Variants in RPL15 observed in about 807,000 individuals in gnomAD.
The protein encoded by RPL15 is large ribosomal subunit protein eL15.
For missense variants in RPL15, 161 were observed against 271.8 expected (o/e 0.59, Z 2.87); for synonymous variants, 97 against 95.1 (o/e 1.02, Z -0.12).
At chr3:23,923,383 C>T (rs1397940885), downstream of RPL15, 1 of 152,080 alleles carries the variant, frequency 6.6e-6, no homozygotes, top group East Asian at 1.9e-4. Context: ...CTACATCCAG[C>T]TATTTTTGTA....
chr3:23,919,575 G>T lies in RPL15; in HGVS notation c.*74G>T, dbSNP rs1704956754. 1 of 1,436,274 alleles carries T rather than the reference G, an allele frequency of 7.0e-7. No homozygotes were observed. The highest frequency in any genetic ancestry group is 1.4e-5 in the African/African-American group (1 of 69,774). The allele number at this position is 1,436,274 out of a possible 1,614,324, so 89.0% of individuals were successfully genotyped here. A position where few individuals can be genotyped will look rare whatever the true frequency, so the allele number is the denominator to read the frequency against. ...TCATGTCTGCTTACAGGTGTTATTTGTCTGTTAAAACTAGTCTGCAGATGT... is the reference window on the plus strand; with the variant it reads ...TCATGTCTGCTTACAGGTGTTATTTTTCTGTTAAAACTAGTCTGCAGATGT... On this transcript the variant is annotated 3_prime_UTR_variant, in exon 4 of 4. Transcript: ENST00000307839.
chr3:23,919,642 A>T lies in RPL15; in HGVS notation c.*141A>T, dbSNP rs1284701168. The T allele has an allele frequency of 7.0e-7, 1 of 1,420,958 alleles. No individual in the cohort carries two copies. Among genetic ancestry groups the T allele is most frequent in the African/African-American group, 1.4e-5 (1 of 69,542 alleles). The allele number at this position is 1,420,958 out of a possible 1,614,324, so 88.0% of individuals were successfully genotyped here. On this transcript the variant is annotated 3_prime_UTR_variant, in exon 4 of 4. Transcript: ENST00000307839. Reference sequence around the variant, plus strand: ...CAAATTAAGAAAGTTAAAGTGCAATAATGTTTGAAGACAATAAGTGGTGGT... The same window carrying T: ...CAAATTAAGAAAGTTAAAGTGCAATTATGTTTGAAGACAATAAGTGGTGGT...
downstream of RPL15, among the ~76,000 whole-genome samples, chr3:23,921,222 TC>T (rs1319674343): frequency 5.3e-5 from 8 of 152,226 alleles, no homozygotes; most frequent in Admixed American, 4.6e-4. Context: ...AAAACCTTGT[TC>T]CTGTCCTTGC....
chr3:23,920,640 T>G lies in RPL15; in HGVS notation c.*1139T>G, dbSNP rs561635781. On this transcript the variant is annotated 3_prime_UTR_variant, in exon 4 of 4. Transcript: ENST00000307839. ...TCTGACTTTGCTGACTTAATTTAAA[T>G]GCTCGTTCTGAACCAATTTTCTCCT... is the stretch of plus-strand genomic sequence containing the variant. 2.0e-6 allele frequency: 2 copies of G among 985,100 alleles called. No individual in the cohort carries two copies. Among genetic ancestry groups the G allele is most frequent in the South Asian group, 4.7e-5 (1 of 21,278 alleles). The allele number at this position is 985,100 out of a possible 1,614,324, so 61.0% of individuals were successfully genotyped here.
At chr3:23,918,649 T>C (rs150440638) in intron 3 of RPL15, 73 bp downstream of exon 3, 1 of 1,539,736 alleles carries the variant, frequency 6.5e-7, no homozygotes, top group Non-Finnish European at 8.8e-7. Flanking sequence ...AAGCAACTTT[T>C]CTGATTGTAC....
chr3:23,918,311 A>AT (rs1228908689), intron 2 of RPL15, 129 bp from the exon 3 acceptor site: 40 of 1,141,734 alleles, frequency 3.5e-5, no homozygotes, highest in Non-Finnish European at 4.5e-5. Flanking sequence ...GATGTGTTTT[A>AT]TTTTTTTCTA....
In RPL15 at chr3:23,920,633, A is replaced by G. The variant is rs149895970; in HGVS notation, c.*1132A>G. On this transcript the variant is annotated 3_prime_UTR_variant, in exon 4 of 4. Transcript: ENST00000307839. ...TTTAAATTCTGACTTTGCTGACTTA[A>G]TTTAAATGCTCGTTCTGAACCAATT... 1.0e-6 allele frequency: 1 copy of G among 985,110 alleles called. No homozygotes were observed. Among genetic ancestry groups the G allele is most frequent in the African/African-American group, 1.7e-5 (1 of 57,366 alleles). The allele number at this position is 985,110 out of a possible 1,614,324, so 61.0% of individuals were successfully genotyped here. A position where few individuals can be genotyped will look rare whatever the true frequency, so the allele number is the denominator to read the frequency against.
In RPL15 at chr3:23,918,580, A is replaced by G. The variant is rs760688881; in HGVS notation, c.309+4A>G. 6.2e-7 allele frequency: 1 copy of G among 1,613,168 alleles called. No individual in the cohort carries two copies. The highest frequency in any genetic ancestry group is 2.2e-5 in the East Asian group (1 of 44,880). On this transcript the variant is annotated splice_donor_region_variant and intron_variant, in intron 3 of 3. Coordinates refer to ENST00000307839, the MANE Select transcript of RPL15 (RefSeq NM_002948.5). Reference sequence around the variant, plus strand: ...AAGCCTTCAGTCCGTTGCAGAGGTAAATGGTTTTGAGTAGCAGTTATATTG... The same window carrying G: ...AAGCCTTCAGTCCGTTGCAGAGGTAGATGGTTTTGAGTAGCAGTTATATTG...
chr3:23,918,169 A>G (rs1486750960), intron 2 of RPL15, 138 bp downstream of exon 2: 1 of 1,125,476 alleles, frequency 8.9e-7, no homozygotes, highest in Non-Finnish European at 1.2e-6. Context: ...AACACTGGTC[A>G]GTTACTGTAT....
chr3:23,919,338 TCAC>T lies in RPL15; in HGVS notation c.455_457del (p.Thr152del), dbSNP rs1704939409. 1 of 1,602,726 alleles carries T rather than the reference TCAC, an allele frequency of 6.2e-7. No homozygotes were observed. The highest frequency in any genetic ancestry group is 1.3e-5 in the African/African-American group (1 of 74,876). ...AGAAGAAATCCTGACACCCAGTGGATCACCAAACCAGTCCACAAGCACAGGGAG... is the reference window on the plus strand; with the variant it reads ...AGAAGAAATCCTGACACCCAGTGGATCAAACCAGTCCACAAGCACAGGGAG... On this transcript the variant is annotated inframe_deletion, in exon 4 of 4. Coordinates refer to ENST00000307839, the MANE Select transcript of RPL15 (RefSeq NM_002948.5).
At chr3:23,918,669 C>A in intron 3 of RPL15, 93 bp downstream of exon 3, 2 of 1,416,062 alleles carry the variant, frequency 1.4e-6, no homozygotes, top group Non-Finnish European at 9.6e-7. Flanking sequence ...CTTAGGTGAG[C>A]TGTCTCGTAT....
chr3:23,919,514 T>G lies in RPL15; in HGVS notation c.*13T>G, dbSNP rs1039041439. 6.4e-7 allele frequency: 1 copy of G among 1,550,974 alleles called. No individual in the cohort carries two copies. The highest frequency in any genetic ancestry group is 1.9e-5 in the Admixed American group (1 of 53,280). On this transcript the variant is annotated 3_prime_UTR_variant, in exon 4 of 4. Coordinates refer to ENST00000307839, the MANE Select transcript of RPL15 (RefSeq NM_002948.5). ...CCGTTACCGCTAATATAAGTAAAGT[T>G]TGTAAAATTCATACTTAATAAACAA...
chr3:23,921,915 C>T (rs1705101605), downstream of RPL15: 4 of 338,804 alleles, frequency 1.2e-5, no homozygotes, highest in Non-Finnish European at 1.6e-5. Context: ...CACTATGTTG[C>T]CCAGGTTGGT....
In RPL15 at chr3:23,920,268, G is replaced by C; in HGVS notation, c.*767G>C. Reference sequence around the variant, plus strand: ...TATGAATCCCTTCAGTCACATTAGGGGGAAAGTAGTTGGCTATAAGTACGT... The same window carrying C: ...TATGAATCCCTTCAGTCACATTAGGCGGAAAGTAGTTGGCTATAAGTACGT... On this transcript the variant is annotated 3_prime_UTR_variant, in exon 4 of 4. Coordinates refer to ENST00000307839, the MANE Select transcript of RPL15 (RefSeq NM_002948.5). 1.0e-6 allele frequency: 1 copy of C among 985,746 alleles called. No homozygotes were observed. The highest frequency in any genetic ancestry group is 1.2e-6 in the Non-Finnish European group (1 of 829,860). The allele number at this position is 985,746 out of a possible 1,614,324, so 61.1% of individuals were successfully genotyped here.
At chr3:23,918,832 CT>C (rs1398558917) in intron 3 of RPL15, 1 of 534,550 alleles carries the variant, frequency 1.9e-6, no homozygotes, top group Non-Finnish European at 3.3e-6. Context: ...CAAATGTGGC[CT>C]GCACAGCCTA....
upstream of RPL15, chr3:23,917,006 C>T (rs534173440): frequency 1.3e-5 from 2 of 152,626 alleles, no homozygotes; most frequent in Non-Finnish European, 2.9e-5. Flanking sequence ...CCGCGGCGCC[C>T]CACTCGGCAG....
At position 23,919,816 on chromosome 3, in the gene RPL15, C is replaced by G; in HGVS notation, c.*315C>G. The G allele has an allele frequency of 9.5e-7, 1 of 1,053,100 alleles. No homozygotes were observed. Among genetic ancestry groups the G allele is most frequent in the Non-Finnish European group, 1.1e-6 (1 of 873,942 alleles). 65.2% of individuals were successfully genotyped at this position (1,053,100 alleles called of 1,614,324 possible). On this transcript the variant is annotated 3_prime_UTR_variant, in exon 4 of 4. Coordinates refer to ENST00000307839, the MANE Select transcript of RPL15 (RefSeq NM_002948.5). ...ACTGAAACTAGCCCTGTAGATTTGT[C>G]TGGTGCATGTGATGAAACCTGCAGC... is the stretch of plus-strand genomic sequence containing the variant.
At chr3:23,924,097 A>G (rs1290962595), downstream of RPL15, 2 of 152,242 alleles carry the variant, frequency 1.3e-5, no homozygotes, top group Non-Finnish European at 2.9e-5. Context: ...TCCAGATAGC[A>G]TAGCTATTAA....
chr3:23,922,526 T>G (rs1194900658), downstream of RPL15: 1 of 152,226 alleles, frequency 6.6e-6, no homozygotes, highest in Non-Finnish European at 1.5e-5. The surrounding 1 kb of genome is among the most constrained non-coding windows in gnomAD (Gnocchi z 4.2). Context: ...TAGCTGGGAC[T>G]ACAGGCACGC....
Sources: allele counts gnomAD v4.1 joint callset (sites outside exome capture counted in the v4.1 genomes callset), GRCh38; gene constraint gnomAD v4.1.1; non-coding constraint Gnocchi (gnomAD v3.1); transcripts MANE v1.5; gene names NCBI Gene and HGNC (gene_info 2026-07-23, HGNC 2026-07-21).